RALYL: variants seen among roughly 807,000 people sequenced by gnomAD.
RALYL encodes the protein RALY RNA binding protein like.
RALYL carries 29 observed loss-of-function variants against 35.1 expected under a neutral mutation model. The ratio of observed to expected loss-of-function variants is 0.83; its 90% CI spans 0.61 to 1.13. The LOEUF (loss-of-function observed/expected upper bound fraction) is 1.13. RALYL is among the 50% of genes most tolerant of loss of function. The pLI, the probability that RALYL is intolerant of heterozygous loss-of-function variation, is 0.00. For missense variants in RALYL, 359 were observed against 360.4 expected (o/e 1.00, Z 0.03); for synonymous variants, 120 against 127.6 (o/e 0.94, Z 0.40).
intron 1 of RALYL, among the ~76,000 whole-genome samples, chr8:84,299,597 A>G (rs1236592127): frequency 2.0e-5 from 3 of 151,828 alleles, no homozygotes; most frequent in East Asian, 3.9e-4. Flanking sequence ...TGTGTGGTCC[A>G]GGGCTTTCCC....
intron 2 of RALYL, among the ~76,000 whole-genome samples, chr8:84,633,580 A>T (rs759341231): frequency 4.6e-5 from 7 of 151,900 alleles, no homozygotes; most frequent in African/African-American, 7.2e-5. Context: ...AACAAATCAG[A>T]CGTGTTTAAA....
intron 2 of RALYL, among the ~76,000 whole-genome samples, chr8:84,547,515 G>A (rs1045740211): frequency 1.3e-5 from 2 of 151,938 alleles, no homozygotes; most frequent in Non-Finnish European, 2.9e-5. Context: ...GAGGAGCTGG[G>A]ACTACAAGTA....
At chr8:84,379,432 A>C (rs1586723687) in intron 1 of RALYL, among the ~76,000 whole-genome samples, 2 of 151,892 alleles carry the variant, frequency 1.3e-5, no homozygotes, top group Non-Finnish European at 2.9e-5. Context: ...TGTGAGTAAA[A>C]ATGTAGTACT....
chr8:84,370,802 C>T (rs1320197036), intron 1 of RALYL, among the ~76,000 whole-genome samples: 1 of 151,902 alleles, frequency 6.6e-6, no homozygotes, highest in Admixed American at 6.6e-5. Flanking sequence ...AATTTATTCA[C>T]TTTGTGGAAG....
At chr8:84,332,743 A>T (rs571009878) in intron 1 of RALYL, among the ~76,000 whole-genome samples, 1 of 152,110 alleles carries the variant, frequency 6.6e-6, no homozygotes, top group Non-Finnish European at 1.5e-5. Flanking sequence ...AGGATCCATG[A>T]GCAGAGAAAG....
chr8:84,385,235 A>G (rs1025434889), intron 1 of RALYL, among the ~76,000 whole-genome samples: 1 of 151,890 alleles, frequency 6.6e-6, no homozygotes, highest in African/African-American at 2.4e-5. Context: ...TTACATTCCA[A>G]ACTTGTTAAA....
chr8:84,381,050 A>C (rs1414825424), intron 1 of RALYL, among the ~76,000 whole-genome samples: 1 of 151,834 alleles, frequency 6.6e-6, no homozygotes, highest in African/African-American at 2.4e-5. Context: ...TTATCATACA[A>C]GAGAACAAAA....
At chr8:84,651,576 T>C (rs1272869542) in intron 2 of RALYL, among the ~76,000 whole-genome samples, 1 of 152,030 alleles carries the variant, frequency 6.6e-6, no homozygotes, top group African/African-American at 2.4e-5. Flanking sequence ...TATTTGATCT[T>C]GAAAAGTTTA....
At chr8:84,218,047 CAT>C (rs1394375423) in intron 1 of RALYL, among the ~76,000 whole-genome samples, 1 of 151,530 alleles carries the variant, frequency 6.6e-6, no homozygotes, top group African/African-American at 2.4e-5. Context: ...TATGTTTTAA[CAT>C]ATTTTCTGAA....
At chr8:84,600,065 C>T (rs537764281) in intron 2 of RALYL, among the ~76,000 whole-genome samples, 1 of 152,108 alleles carries the variant, frequency 6.6e-6, no homozygotes. Flanking sequence ...TAAGCACATA[C>T]ACTTATAGAT....
At chr8:84,623,304 T>A (rs1047052994) in intron 2 of RALYL, among the ~76,000 whole-genome samples, 1 of 152,180 alleles carries the variant, frequency 6.6e-6, no homozygotes. Flanking sequence ...TCTAAAAGCA[T>A]GAAAGTTTAT....
At chr8:84,367,392 G>T (rs1375356659) in intron 1 of RALYL, among the ~76,000 whole-genome samples, 4 of 111,790 alleles carry the variant, frequency 3.6e-5, no homozygotes, top group African/African-American at 1.0e-4. Context: ...GTTTCACCAT[G>T]CTGGCTAGGC....
At chr8:84,675,366 G>C (rs922333012) in intron 2 of RALYL, among the ~76,000 whole-genome samples, 2 of 151,956 alleles carry the variant, frequency 1.3e-5, no homozygotes, top group African/African-American at 4.8e-5. Context: ...CTTTTCTACT[G>C]ATGTTTTTAA....
At chr8:84,247,706 A>G (rs1829398387) in intron 1 of RALYL, among the ~76,000 whole-genome samples, 1 of 152,140 alleles carries the variant, frequency 6.6e-6, no homozygotes, top group Non-Finnish European at 1.5e-5. Flanking sequence ...AGAGCTTATA[A>G]TAAAGTACCC....
intron 1 of RALYL, among the ~76,000 whole-genome samples, chr8:84,261,430 A>G (rs4518663): frequency 0.68 from 103,770 of 151,698 alleles, 36,919 homozygotes; most frequent in African/African-American, 0.89. Context: ...TTTACAATGG[A>G]CTTCTCCCTT....
At chr8:84,867,886 A>G (rs1211769155) in intron 6 of RALYL, among the ~76,000 whole-genome samples, 2 of 152,186 alleles carry the variant, frequency 1.3e-5, no homozygotes, top group Non-Finnish European at 1.5e-5. Flanking sequence ...AATAGACATG[A>G]TCTTTCATTT....
intron 3 of RALYL, among the ~76,000 whole-genome samples, chr8:84,777,865 T>C (rs962904451): frequency 6.6e-6 from 1 of 152,100 alleles, no homozygotes; most frequent in Non-Finnish European, 1.5e-5. Context: ...ATAGTCTCGA[T>C]CTCCTGACCT....
At chr8:84,631,438 C>T (rs1207509620) in intron 2 of RALYL, among the ~76,000 whole-genome samples, 1 of 151,812 alleles carries the variant, frequency 6.6e-6, no homozygotes, top group Non-Finnish European at 1.5e-5. Context: ...ACAAAAATAC[C>T]AACAAAACTG....
chr8:84,525,035 A>G (rs1314311761), intron 1 of RALYL, among the ~76,000 whole-genome samples: 1 of 149,728 alleles, frequency 6.7e-6, no homozygotes, highest in East Asian at 2.0e-4. Context: ...TACGGCCTCA[A>G]TTTTAACTAA....
Sources: allele counts gnomAD v4.1 joint callset (sites outside exome capture counted in the v4.1 genomes callset), GRCh38; gene constraint gnomAD v4.1.1; transcripts MANE v1.5; gene names NCBI Gene and HGNC (gene_info 2026-07-23, HGNC 2026-07-21).